The following PCNX3 variants were observed in gnomAD, a reference collection of about 807,000 sequenced individuals.
PCNX3 encodes pecanex 3.
PCNX3 carries 58 observed loss-of-function variants against 207.2 expected under a neutral mutation model. The ratio of observed to expected loss-of-function variants is 0.28; its 90% confidence interval spans 0.23 to 0.35. The LOEUF is 0.35. Ranked by LOEUF, PCNX3 falls within the 10% of genes least tolerant of loss-of-function variation. PCNX3 has a pLI of 1.00. For synonymous variants in PCNX3, 1,337 were observed against 1,183.5 expected, an observed-to-expected ratio of 1.13 and a Z score of -2.66; for missense variants, 2,410 against 2,774.4, an observed-to-expected ratio of 0.87 and a Z score of 2.95.
In PCNX3 at chr11:65,624,292, T is replaced by G. The variant is rs1386913867; in HGVS notation, c.2642T>G (p.Phe881Cys). 6.3e-7 allele frequency: 1 copy of G among 1,588,306 alleles called. No homozygotes were observed. Among genetic ancestry groups the G allele is most frequent in the South Asian group, 1.1e-5 (1 of 87,538 alleles). ...LLDALGSAQP[F>C]PPVSLYGLTL... ...GACGCCCTGGGCTCAGCTCAGCCCTTCCCACCTGTCTCCCTCTACGGCCTC... is the reference window on the plus strand; with the variant it reads ...GACGCCCTGGGCTCAGCTCAGCCCTGCCCACCTGTCTCCCTCTACGGCCTC... Residue 881 changes from phenylalanine to cysteine, a missense_variant, in exon 14 of 35, where the codon TTC (phenylalanine) becomes TGC (cysteine). Phe to Cys is a radical substitution (Grantham distance 205, BLOSUM62 -2). Around this residue, in one of 8 missense-constraint regions of PCNX3, gnomAD observed 177 missense variants for 257.5 expected, o/e 0.69. Transcript: ENST00000355703.
chr11:65,617,753 T>TG, intron 5 of PCNX3, 47 bp downstream of exon 5: 1 of 1,542,164 alleles, frequency 6.5e-7, no homozygotes, highest in East Asian at 2.4e-5. Context: ...GACCAGCTGT[T>TG]TCGTTGTTGA....
At chr11:65,623,433 A>C in intron 11 of PCNX3, 58 bp from the exon 12 acceptor site, 2 of 1,518,204 alleles carry the variant, frequency 1.3e-6, no homozygotes, top group Non-Finnish European at 1.8e-6. Flanking sequence ...CATCTTCCCC[A>C]CTGCCCCACT....
rs757474700 is a variant in PCNX3, at chr11:65,634,534, A to T, written c.4702-4A>T. 1.3e-6 allele frequency: 2 copies of T among 1,585,870 alleles called. No individual in the cohort carries two copies. Among genetic ancestry groups the T allele is most frequent in the Non-Finnish European group, 1.7e-6 (2 of 1,169,404 alleles). On this transcript the variant is annotated splice_region_variant and splice_polypyrimidine_tract_variant and intron_variant, in intron 28 of 34. Transcript: ENST00000355703. ...GCTCTGGGATGGGGGTCCTTATGCC[A>T]CAGCCCGTGGACCAGGATTGGAACT... is the stretch of plus-strand genomic sequence containing the variant.
At chr11:65,634,923 C>G in intron 29 of PCNX3, 50 bp from the exon 30 acceptor site, 1 of 1,580,926 alleles carries the variant, frequency 6.3e-7, no homozygotes, top group Non-Finnish European at 8.6e-7. Context: ...AGCCTTACCC[C>G]TGGGTCCTCG....
chr11:65,624,883 C>T, intron 15 of PCNX3, 42 bp from the exon 16 acceptor site: 4 of 1,561,636 alleles, frequency 2.6e-6, no homozygotes, highest in Non-Finnish European at 3.5e-6. Context: ...AGGTGGGGTA[C>T]CTGCAAGTGA....
rs957918481 is a variant in PCNX3, at chr11:65,635,509, C to T, written c.5185-20C>T. 5 of 1,608,368 alleles carry T rather than the reference C, an allele frequency of 3.1e-6. No homozygotes were observed. In the African/African-American group the frequency reaches 4.0e-5, roughly 13 times the overall value. ...AAACCCCCTTGGGCCGGCCCCCTGA[C>T]CCTGGCGTGTGGCTCTCAGGTGAAC... is the stretch of plus-strand genomic sequence containing the variant. On this transcript the variant is annotated intron_variant, in intron 31 of 34. Transcript: ENST00000355703. This position sits in a 1 kb window ranked among gnomAD's most constrained non-coding sequence, Gnocchi z 9.9.
In PCNX3 at chr11:65,618,408, C is replaced by T. The variant is rs1565153442; in HGVS notation, c.1046C>T (p.Pro349Leu). Residue 349 changes from proline (P) to leucine (L), a missense_variant, in exon 6 of 35, where the codon CCA becomes CTA. Pro to Leu is a moderately conservative substitution (Grantham distance 98). Around this residue, in one of 8 missense-constraint regions of PCNX3, gnomAD observed 1,104 missense variants for 970.3 expected, o/e 1.14. Coordinates refer to ENST00000355703, the MANE Select transcript of PCNX3 (RefSeq NM_032223.4). ...PPSEAELPAS[P>L]DAGVPSDDTL... ...TCTGAGGCTGAGCTGCCTGCCTCAC[C>T]AGACGCCGGGGTCCCCTCAGATGAC... The T allele has an allele frequency of 6.2e-7, 1 of 1,612,660 alleles. No individual in the cohort carries two copies. The highest frequency in any genetic ancestry group is 8.5e-7 in the Non-Finnish European group (1 of 1,179,786).
Position 65,636,980 on chromosome 11 carries a change from C to T in PCNX3, c.*2C>T, listed in dbSNP as rs1300503298. 1.3e-6 allele frequency: 2 copies of T among 1,564,722 alleles called. No homozygotes were observed. The highest frequency in any genetic ancestry group is 2.3e-5 in the South Asian group (2 of 85,402). The stretch of plus-strand genomic sequence containing the variant: ...CCCCTGCTGGAACACCAGTACTGAG[C>T]TACCTGGCGCCCACTGGACCACCTC... On this transcript the variant is annotated 3_prime_UTR_variant, in exon 35 of 35. Coordinates refer to ENST00000355703, the MANE Select transcript of PCNX3 (RefSeq NM_032223.4).
At chr11:65,631,383 G>A (rs912463164) in intron 27 of PCNX3, among the ~76,000 whole-genome samples, 10 of 152,202 alleles carry the variant, frequency 6.6e-5, no homozygotes, top group South Asian at 2.1e-4. Context: ...TTGGCCAAGC[G>A]TGGTGGCTCA....
chr11:65,622,082 GC>G, intron 10 of PCNX3, 162 bp from the exon 11 acceptor site: 1 of 853,850 alleles, frequency 1.2e-6, no homozygotes, highest in Non-Finnish European at 1.4e-6. Flanking sequence ...GGGGTCCAGG[GC>G]CGCTAGACAG....
At position 65,636,290 on chromosome 11, in the gene PCNX3, C is replaced by T. The variant is rs761939097; in HGVS notation, c.5576C>T (p.Thr1859Ile). ...LSNNPPVAHP[T>I]PENTAGNGDQ... ...AATAACCCCCCCGTGGCACACCCCACACCTGAGAACACGGCAGGTGAGCAG... is the reference window on the plus strand; with the variant it reads ...AATAACCCCCCCGTGGCACACCCCATACCTGAGAACACGGCAGGTGAGCAG... Residue 1859 changes from threonine (T) to isoleucine (I), a missense_variant, in exon 33 of 35, where the codon ACA becomes ATA. By Grantham distance (89) the Thr-to-Ile change is moderately conservative. Transcript: ENST00000355703. 28 of 1,609,236 alleles carry T rather than the reference C, an allele frequency of 1.7e-5. 2 individuals carry two copies. In the South Asian group the frequency reaches 3.0e-4, roughly 17 times the overall value.
chr11:65,624,180 G>T lies in PCNX3; in HGVS notation c.2545-15G>T. The T allele has an allele frequency of 6.3e-7, 1 of 1,597,390 alleles. No individual in the cohort carries two copies. ...CAGTCGGGGAGACCCAGCTCCTCATGGGCTGACCCCTCAGGGCCACAACTG... is the reference window on the plus strand; with the variant it reads ...CAGTCGGGGAGACCCAGCTCCTCATTGGCTGACCCCTCAGGGCCACAACTG... On this transcript the variant is annotated splice_polypyrimidine_tract_variant and intron_variant, in intron 13 of 34. Transcript: ENST00000355703.
Position 65,627,409 on chromosome 11 carries a change from C to T in PCNX3, c.3529C>T (p.Arg1177Trp), listed in dbSNP as rs533571993. The T allele has an allele frequency of 6.2e-6, 10 of 1,608,246 alleles. No homozygotes were observed. Among genetic ancestry groups the T allele is most frequent in the East Asian group, 4.5e-5 (2 of 44,864 alleles). ...ATGCCTGCCCCTTGCCCACAGCTGC[C>T]GGGCGCTGCTGATGACCGTGGCTGG... is the stretch of plus-strand genomic sequence containing the variant. ...SHPDKYCFYC[R>W]ALLMTVAGLK... Residue 1177 changes from arginine (R) to tryptophan (W), a missense_variant, in exon 22 of 35, where the codon CGG (arginine) becomes TGG (tryptophan). Physicochemically the swap from Arg to Trp is moderately radical, Grantham distance 101 (BLOSUM62 -3). Around this residue, in one of 8 missense-constraint regions of PCNX3, gnomAD observed 333 missense variants for 386.8 expected, o/e 0.86. Coordinates refer to ENST00000355703, the MANE Select transcript of PCNX3 (RefSeq NM_032223.4).
Position 65,616,920 on chromosome 11 carries a change from A to T in PCNX3, c.250A>T (p.Met84Leu), listed in dbSNP as rs1280960186. 6.2e-7 allele frequency: 1 copy of T among 1,613,396 alleles called. No individual in the cohort carries two copies. Among genetic ancestry groups the T allele is most frequent in the Non-Finnish European group, 8.5e-7 (1 of 1,179,848 alleles). The change falls in exon 2 of 35, where the codon ATG (methionine) becomes TTG (leucine). Residue 84 changes from methionine (M) to leucine (L), a missense_variant. This residue lies in a region of PCNX3 where 1,104 missense variants were observed against 970.3 expected (regional missense o/e 1.14). Transcript: ENST00000355703. ...IKTVNYRLHA[M>L]FDQGEIVEKR... ...GACTGTCAATTATCGGCTTCATGCC[A>T]TGTTTGACCAGGGCGAGATCGTGGA...
intron 9 of PCNX3, 33 bp downstream of exon 9, chr11:65,620,462 G>C (rs1034931817): frequency 9.4e-6 from 15 of 1,603,680 alleles, no homozygotes; most frequent in African/African-American, 5.4e-5. Flanking sequence ...CCAAGCCATT[G>C]TCTTGGTGGC....
intron 22 of PCNX3, 101 bp from the exon 23 acceptor site, chr11:65,628,494 A>C: frequency 8.6e-7 from 1 of 1,166,814 alleles, no homozygotes; most frequent in African/African-American, 1.5e-5. Flanking sequence ...CCGTGGGCCA[A>C]GCCAGTGCGA....
At chr11:65,619,458 G>T in intron 6 of PCNX3, 79 bp from the exon 7 acceptor site, 1 of 1,553,930 alleles carries the variant, frequency 6.4e-7, no homozygotes. Flanking sequence ...GCTCCCTGGC[G>T]GAACACCGTC....
Position 65,624,145 on chromosome 11 carries a change from G to C in PCNX3, c.2545-50G>C. 3.2e-6 allele frequency: 5 copies of C among 1,576,960 alleles called. No homozygotes were observed. In the Middle Eastern group the frequency reaches 8.6e-4, roughly 271 times the overall value. ...GGCCCTTGAGTGTGTGCATGTGTCA[G>C]AGGTGTGGCCAGTCGGGGAGACCCA... On this transcript the variant is annotated intron_variant, in intron 13 of 34. Transcript: ENST00000355703.
chr11:65,620,513 C>A, intron 9 of PCNX3, 84 bp downstream of exon 9: 1 of 1,456,368 alleles, frequency 6.9e-7, no homozygotes, highest in Non-Finnish European at 9.4e-7. Context: ...AGTTTGCTCT[C>A]TTCCTGCTGG....
Sources: allele counts gnomAD v4.1 joint callset (sites outside exome capture counted in the v4.1 genomes callset), GRCh38; gene constraint gnomAD v4.1.1; regional missense constraint gnomAD v4.1.1; non-coding constraint Gnocchi (gnomAD v3.1); transcripts MANE v1.5; gene names NCBI Gene and HGNC (gene_info 2026-07-23, HGNC 2026-07-21).